The following ADGRL3 variants were observed in gnomAD, a reference collection of about 807,000 sequenced individuals.
The protein encoded by ADGRL3 is adhesion G protein-coupled receptor L3.
ADGRL3 carries 62 observed loss-of-function variants against 153.5 expected under a neutral mutation model. That is an observed-to-expected ratio of 0.40 (90% CI 0.33 to 0.50). The LOEUF is 0.50. Ranked by LOEUF, ADGRL3 falls within the 20% of genes least tolerant of loss-of-function variation. The probability of loss-of-function intolerance (pLI) is 0.47; values close to 1 mark genes in which losing one functional copy is unlikely to be tolerated. For synonymous variants in ADGRL3, 710 were observed against 672.5 expected (o/e 1.06, Z -0.86); for missense variants, 1,641 against 1,859.4 (o/e 0.88, Z 2.16).
At chr4:61,296,627 T>A (rs907595733) in intron 1 of ADGRL3, among the ~76,000 whole-genome samples, 1 of 152,188 alleles carries the variant, frequency 6.6e-6, no homozygotes, top group African/African-American at 2.4e-5. Flanking sequence ...AAATCAAGAT[T>A]ACTTCATGTC....
At chr4:61,878,392 A>G (rs1416959515) in intron 9 of ADGRL3, among the ~76,000 whole-genome samples, 2 of 152,232 alleles carry the variant, frequency 1.3e-5, no homozygotes, top group African/African-American at 4.8e-5. Context: ...TAATGATCAT[A>G]TAATCAGTGT....
At chr4:61,669,440 CT>C (rs1407370168) in intron 5 of ADGRL3, among the ~76,000 whole-genome samples, 1 of 152,102 alleles carries the variant, frequency 6.6e-6, no homozygotes, top group Non-Finnish European at 1.5e-5. Flanking sequence ...ATATATGCAT[CT>C]ATTTATGTTT....
At chr4:61,657,273 G>T (rs1355503364) in intron 5 of ADGRL3, among the ~76,000 whole-genome samples, 1 of 151,894 alleles carries the variant, frequency 6.6e-6, no homozygotes, top group Non-Finnish European at 1.5e-5. Context: ...GCTGCAGAAG[G>T]AAACAGCCAC....
chr4:61,761,589 T>C (rs1424845415), intron 8 of ADGRL3, among the ~76,000 whole-genome samples: 1 of 151,836 alleles, frequency 6.6e-6, no homozygotes, highest in Non-Finnish European at 1.5e-5. Context: ...AAGCGAGGAT[T>C]TCAATACCAG....
At chr4:61,981,305 C>A in intron 18 of ADGRL3, among the ~76,000 whole-genome samples, 1 of 151,778 alleles carries the variant, frequency 6.6e-6, no homozygotes, top group South Asian at 2.1e-4. Flanking sequence ...GCCTTAAAAA[C>A]AGCCAATATT....
In ADGRL3 at chr4:61,905,621, G is replaced by A. The variant is rs530758299; in HGVS notation, c.1888-3939G>A. 2.6e-5 allele frequency among the ~76,000 whole-genome samples: 4 copies of A among 152,230 alleles called. No homozygotes were observed. The South Asian group carries it at 6.2e-4, about 24-fold the overall frequency. On this transcript the variant is annotated intron_variant, in intron 11 of 26. Transcript: ENST00000683033. ...GAATTTCTCGAAAGTTGGGCCAGGT[G>A]CAGTAGTTCACGCCTATGATCTCAG...
intron 2 of ADGRL3, among the ~76,000 whole-genome samples, chr4:61,456,397 CTATATCTATATATA>C (rs1560664237): frequency 2.2e-5 from 2 of 90,134 alleles, no homozygotes; most frequent in African/African-American, 8.3e-5. Context: ...ATAGATATAT[CTATATCTATATATA>C]TATAGATATA....
At chr4:61,265,022 C>T (rs1395578321) in intron 1 of ADGRL3, among the ~76,000 whole-genome samples, 3 of 151,574 alleles carry the variant, frequency 2.0e-5, no homozygotes, top group East Asian at 1.9e-4. Context: ...AGAGAGCATT[C>T]GTAGGATTTC....
At chr4:61,220,475 T>A (rs1450708674) in intron 1 of ADGRL3, among the ~76,000 whole-genome samples, 2 of 152,194 alleles carry the variant, frequency 1.3e-5, no homozygotes, top group African/African-American at 4.8e-5. Context: ...TGATTATATC[T>A]GTTTCATAGA....
chr4:61,313,649 A>T (rs1259720215), intron 1 of ADGRL3, among the ~76,000 whole-genome samples: 1 of 152,218 alleles, frequency 6.6e-6, no homozygotes, highest in Non-Finnish European at 1.5e-5. Flanking sequence ...TTCCTACAGC[A>T]TATTTCTAGT....
At chr4:61,354,827 G>C (rs1364049851) in intron 1 of ADGRL3, among the ~76,000 whole-genome samples, 2 of 152,012 alleles carry the variant, frequency 1.3e-5, no homozygotes, top group Non-Finnish European at 2.9e-5. Flanking sequence ...AAAGCTTCTA[G>C]TGTTCACCTT....
chr4:61,737,934 T>A (rs920883455), intron 8 of ADGRL3, among the ~76,000 whole-genome samples: 12 of 152,258 alleles, frequency 7.9e-5, no homozygotes, highest in South Asian at 2.1e-4. Flanking sequence ...TCTTTTTTTT[T>A]AAATTACTTC....
chr4:61,435,212 C>G (rs2097429496), intron 2 of ADGRL3, among the ~76,000 whole-genome samples: 1 of 151,892 alleles, frequency 6.6e-6, no homozygotes, highest in South Asian at 2.1e-4. Flanking sequence ...TGATATAGAG[C>G]TATTTTATTT....
At chr4:61,893,964 G>T (rs957534033) in intron 10 of ADGRL3, among the ~76,000 whole-genome samples, 34 of 152,030 alleles carry the variant, frequency 2.2e-4, no homozygotes, top group African/African-American at 8.2e-4. Context: ...GCCCGCCTCA[G>T]CCTCCCAAAG....
chr4:61,812,694 C>A (rs772637746), intron 8 of ADGRL3, among the ~76,000 whole-genome samples: 4 of 152,114 alleles, frequency 2.6e-5, no homozygotes, highest in African/African-American at 9.7e-5. Context: ...AGTATACAAA[C>A]AATGGCTACT....
chr4:61,218,013 T>A (rs866480938), intron 1 of ADGRL3, among the ~76,000 whole-genome samples: 18 of 152,236 alleles, frequency 1.2e-4, no homozygotes, highest in African/African-American at 4.3e-4. Context: ...TGTCTTCTTT[T>A]CACTGCTGGG....
rs142717802 is a variant in ADGRL3, at chr4:61,764,322, C to T, written c.1399+30768C>T. Reference sequence around the variant, plus strand: ...GGGCTGAGTTCGAAAAGAGAGTCAGCGAAGGGAGATAAGGGTGGGGCCGTT... The same window carrying T: ...GGGCTGAGTTCGAAAAGAGAGTCAGTGAAGGGAGATAAGGGTGGGGCCGTT... On this transcript the variant is annotated intron_variant, in intron 8 of 26. Transcript: ENST00000683033. 4.5e-3 allele frequency among the ~76,000 whole-genome samples: 682 copies of T among 151,524 alleles called. 1 individual carries two copies. The highest frequency in any genetic ancestry group is 7.8e-3 in the Non-Finnish European group (528 of 67,960).
intron 1 of ADGRL3, among the ~76,000 whole-genome samples, chr4:61,361,931 G>A (rs1393654947): frequency 6.7e-6 from 1 of 149,300 alleles, no homozygotes; most frequent in Non-Finnish European, 1.5e-5. Context: ...ATGAACTGTA[G>A]TATAACAGTT....
At chr4:62,013,932 C>A (rs1348457059) in intron 21 of ADGRL3, among the ~76,000 whole-genome samples, 1 of 150,600 alleles carries the variant, frequency 6.6e-6, no homozygotes, top group African/African-American at 2.4e-5. Flanking sequence ...GTTTTTTCTT[C>A]AGCATTATTC....
Sources: gnomAD v4.1 joint callset for allele counts (sites outside exome capture counted in the v4.1 genomes callset) on GRCh38, gnomAD v4.1.1 for gene constraint, MANE v1.5 for transcripts, NCBI Gene and HGNC (gene_info 2026-07-23, HGNC 2026-07-21) for gene names.